The following LRRK2 variants were observed in gnomAD, a reference collection of about 807,000 sequenced individuals.
The protein encoded by LRRK2 is leucine rich repeat kinase 2, also known as leucine-rich repeat serine/threonine-protein kinase 2.
LRRK2 carries 203 observed loss-of-function variants against 302.6 expected under a neutral mutation model. The observed-to-expected ratio is 0.67, with a 90% CI of 0.60 to 0.75. The LOEUF (loss-of-function observed/expected upper bound fraction) is 0.75, where lower values mean the gene tolerates loss of function less well. Ranked by LOEUF, LRRK2 falls within the 30% of genes least tolerant of loss-of-function variation. The pLI, the probability that LRRK2 is intolerant of heterozygous loss-of-function variation, is 0.00. For synonymous variants in LRRK2, 1,066 were observed against 1,031.9 expected (o/e 1.03, Z -0.63); for missense variants, 2,830 against 2,951.0 (o/e 0.96, Z 0.95).
chr12:40,314,245 T>C, intron 32 of LRRK2, 72 bp downstream of exon 32: 2 of 1,449,114 alleles, frequency 1.4e-6, no homozygotes, highest in Admixed American at 1.8e-5. Context: ...GAATCTTTTA[T>C]AGAATTTACA....
At chr12:40,309,595 A>G (rs1944967814) in intron 30 of LRRK2, among the ~76,000 whole-genome samples, 1 of 152,040 alleles carries the variant, frequency 6.6e-6, no homozygotes, top group Non-Finnish European at 1.5e-5. Context: ...TATATATCTC[A>G]TCAACTTTGT....
At position 40,294,923 on chromosome 12, in the gene LRRK2, T is replaced by G. The variant is rs1316936211; in HGVS notation, c.2878+9T>G. ...TTCAGATGATTCACTCAGTAAGTATTTGGATGTAATCATAAGTAAATAGAT... is the reference window on the plus strand; with the variant it reads ...TTCAGATGATTCACTCAGTAAGTATGTGGATGTAATCATAAGTAAATAGAT... On this transcript the variant is annotated intron_variant, in intron 22 of 50. Transcript: ENST00000298910. 1 of 1,457,126 alleles carries G rather than the reference T, an allele frequency of 6.9e-7. No individual in the cohort carries two copies. The highest frequency in any genetic ancestry group is 9.6e-7 in the Non-Finnish European group (1 of 1,042,876). 90.3% of individuals were successfully genotyped at this position (1,457,126 alleles called of 1,614,324 possible).
Position 40,257,397 on chromosome 12 carries a change from T to G in LRRK2, c.1418+20T>G. ...AGGAAGGTAATATAGATTCATTAAC[T>G]TGTACAGAATATATCATATTGGGCC... On this transcript the variant is annotated intron_variant, in intron 12 of 50. Transcript: ENST00000298910. The G allele has an allele frequency of 6.2e-7, 1 of 1,608,396 alleles. No individual in the cohort carries two copies. Among genetic ancestry groups the G allele is most frequent in the Non-Finnish European group, 8.5e-7 (1 of 1,175,428 alleles).
At chr12:40,241,776 G>C (rs1941731399) in intron 6 of LRRK2, among the ~76,000 whole-genome samples, 1 of 152,170 alleles carries the variant, frequency 6.6e-6, no homozygotes, top group African/African-American at 2.4e-5. Context: ...GTGAGCCTTC[G>C]GTGTAGGCAG....
chr12:40,252,857 T>G, intron 10 of LRRK2, 53 bp from the exon 11 acceptor site: 21 of 1,189,146 alleles, frequency 1.8e-5, no homozygotes, highest in South Asian at 2.4e-5. Flanking sequence ...AGTGAGAATT[T>G]GAGATAGTTA....
chr12:40,299,045 A>G (rs1727271345), intron 24 of LRRK2, 64 bp from the exon 25 acceptor site: 4 of 1,546,806 alleles, frequency 2.6e-6, no homozygotes, highest in Non-Finnish European at 3.5e-6. Flanking sequence ...ATTGTTTTTG[A>G]TATTTTTTCT....
intron 7 of LRRK2, among the ~76,000 whole-genome samples, chr12:40,243,976 T>A (rs529344432): frequency 4.6e-5 from 7 of 152,222 alleles, no homozygotes; most frequent in Admixed American, 4.6e-4. Flanking sequence ...TGAGTTTTTT[T>A]ATTGTTGAGG....
Position 40,243,682 on chromosome 12 carries a change from G to A in LRRK2, c.838+1G>A. 6.2e-7 allele frequency: 1 copy of A among 1,610,832 alleles called. No individual in the cohort carries two copies. Among genetic ancestry groups the A allele is most frequent in the Non-Finnish European group, 8.5e-7 (1 of 1,177,836 alleles). ...TGTTTGCTCCATAGGCTTACATTAG[G>A]TGAGTTTCTTAGTTAATATGTCATC... On this transcript the variant is annotated splice_donor_variant, in intron 7 of 50. Transcript: ENST00000298910. LOFTEE classifies it high-confidence loss of function.
In LRRK2 at chr12:40,318,148, G is replaced by GA. The variant is rs1275412795; in HGVS notation, c.4828-1840_4828-1839insA. 2.0e-5 allele frequency among the ~76,000 whole-genome samples: 3 copies of GA among 152,096 alleles called. No homozygotes were observed. In the East Asian group the frequency reaches 5.8e-4, roughly 29 times the overall value. ...GCAGATTTTTTCTGTCCTCTTAAAG[G>GA]CTAGGCCAAGGACTGGCAAAAATAT... On this transcript the variant is annotated intron_variant, in intron 33 of 50. Coordinates refer to ENST00000298910, the MANE Select transcript of LRRK2 (RefSeq NM_198578.4).
intron 6 of LRRK2, among the ~76,000 whole-genome samples, chr12:40,242,223 C>A (rs570756294): frequency 6.6e-6 from 1 of 152,046 alleles, no homozygotes; most frequent in Non-Finnish European, 1.5e-5. Context: ...CATTTCCTTA[C>A]GTTGTTAATT....
Position 40,283,941 on chromosome 12 carries a change from G to A in LRRK2, c.2308G>A (p.Asp770Asn). 1 of 1,613,834 alleles carries A rather than the reference G, an allele frequency of 6.2e-7. No homozygotes were observed. Residue 770 changes from aspartate to asparagine, a missense_variant, in exon 19 of 51, where the codon GAT (aspartate) becomes AAT (asparagine). Physicochemically the swap from Asp to Asn is conservative, Grantham distance 23. This residue lies in a region of LRRK2 where 2,121 missense variants were observed against 2,148.0 expected (regional missense o/e 0.99). Coordinates refer to ENST00000298910, the MANE Select transcript of LRRK2 (RefSeq NM_198578.4). ...LLLNSGSREQ[D>N]VRKALTISIG... ...ACTGAATAGTGGATCTCGTGAACAA[G>A]ATGTACGAAAAGCGTTGACGATAAG...
intron 2 of LRRK2, 37 bp downstream of exon 2, chr12:40,225,677 T>A (rs200860610): frequency 5.0e-5 from 78 of 1,550,042 alleles, no homozygotes; most frequent in Middle Eastern, 3.4e-4. Context: ...CATTCTCCCT[T>A]CTGTTTGGAA....
chr12:40,344,566 T>C (rs1187706433), intron 41 of LRRK2, among the ~76,000 whole-genome samples: 1 of 152,200 alleles, frequency 6.6e-6, no homozygotes, highest in Non-Finnish European at 1.5e-5. Flanking sequence ...AGAAAGTCCT[T>C]ATCTGTCTAC....
chr12:40,295,401 C>T (rs775679035), intron 22 of LRRK2, 26 bp from the exon 23 acceptor site: 1 of 1,590,642 alleles, frequency 6.3e-7, no homozygotes, highest in Non-Finnish European at 8.6e-7. Flanking sequence ...CTTATATTTC[C>T]ATTGTTTGTT....
chr12:40,237,255 G>C (rs1247822853), intron 4 of LRRK2, among the ~76,000 whole-genome samples: 1 of 152,172 alleles, frequency 6.6e-6, no homozygotes, highest in Non-Finnish European at 1.5e-5. Flanking sequence ...ATCATGAGAA[G>C]ATCTTAGTAG....
Position 40,367,095 on chromosome 12 carries a change from A to G in LRRK2, c.7462+18A>G. 6.3e-7 allele frequency: 1 copy of G among 1,588,966 alleles called. No individual in the cohort carries two copies. Among genetic ancestry groups the G allele is most frequent in the Non-Finnish European group, 8.6e-7 (1 of 1,158,474 alleles). On this transcript the variant is annotated intron_variant, in intron 50 of 50. Coordinates refer to ENST00000298910, the MANE Select transcript of LRRK2 (RefSeq NM_198578.4). Reference sequence around the variant, plus strand: ...GCAGAAAGGTAACATTTAGAAGGATACTGTTTTCCAAACAGGGCAATGATG... The same window carrying G: ...GCAGAAAGGTAACATTTAGAAGGATGCTGTTTTCCAAACAGGGCAATGATG...
chr12:40,259,621 A>T lies in LRRK2; in HGVS notation c.1543+17A>T. ...TAGTGCCTGGTAAGTTACATAGTTG[A>T]TTGTGGGAAGAGATAACAATTTAAA... On this transcript the variant is annotated intron_variant, in intron 13 of 50. Transcript: ENST00000298910. 1 of 1,612,658 alleles carries T rather than the reference A, an allele frequency of 6.2e-7. No homozygotes were observed. Among genetic ancestry groups the T allele is most frequent in the Non-Finnish European group, 8.5e-7 (1 of 1,178,970 alleles).
chr12:40,313,377 T>A (rs1279215917), intron 31 of LRRK2, among the ~76,000 whole-genome samples: 2 of 152,016 alleles, frequency 1.3e-5, no homozygotes, highest in African/African-American at 2.4e-5. Context: ...ACAATGATCA[T>A]CCTCTCCTAT....
chr12:40,285,465 C>T (rs895943982), intron 19 of LRRK2, among the ~76,000 whole-genome samples: 8 of 151,796 alleles, frequency 5.3e-5, no homozygotes, highest in African/African-American at 1.9e-4. Context: ...TGTGTGGAAA[C>T]ATGCTTCATA....
Sources: gnomAD v4.1 joint callset for allele counts (sites outside exome capture counted in the v4.1 genomes callset) on GRCh38, gnomAD v4.1.1 for gene constraint, gnomAD v4.1.1 regional missense constraint, MANE v1.5 for transcripts, NCBI Gene and HGNC (gene_info 2026-07-23, HGNC 2026-07-21) for gene names.